Variants in DGKB observed in about 807,000 individuals in gnomAD.
DGKB encodes diacylglycerol kinase beta, also known as 90 kDa diacylglycerol kinase.
A neutral mutation model predicts 114.3 loss-of-function variants in DGKB; 67 were observed. That is an observed-to-expected ratio of 0.59 (90% CI 0.48 to 0.72). DGKB has a LOEUF of 0.72. Among genes scored for constraint, DGKB ranks in the 30% least tolerant of loss-of-function variants. The pLI, the probability that DGKB is intolerant of heterozygous loss-of-function variation, is 0.00. For synonymous variants in DGKB, 398 were observed against 323.1 expected, an observed-to-expected ratio of 1.23 and a Z score of -2.49; for missense variants, 907 against 975.2, an observed-to-expected ratio of 0.93 and a Z score of 0.93.
intron 23 of DGKB, among the ~76,000 whole-genome samples, chr7:14,256,161 C>T (rs570258062): frequency 6.6e-6 from 1 of 152,208 alleles, no homozygotes; most frequent in Non-Finnish European, 1.5e-5. Flanking sequence ...TTTACTGAAT[C>T]AGTTTTTACT....
At chr7:14,191,681 G>T in intron 23 of DGKB, 1 of 324,888 alleles carries the variant, frequency 3.1e-6, no homozygotes, top group South Asian at 3.2e-5. Context: ...TCTTCTGGGG[G>T]ACAAAGGGGG....
At chr7:14,227,443 C>A (rs778618145) in intron 23 of DGKB, among the ~76,000 whole-genome samples, 17 of 151,970 alleles carry the variant, frequency 1.1e-4, no homozygotes, top group Non-Finnish European at 2.5e-4. Flanking sequence ...CTAGCCAATG[C>A]AAATGAAAAG....
At chr7:14,708,642 G>A (rs886189244) in intron 6 of DGKB, among the ~76,000 whole-genome samples, 3 of 151,428 alleles carry the variant, frequency 2.0e-5, no homozygotes, top group Non-Finnish European at 4.4e-5. Context: ...ACAGAACAGA[G>A]CCCTCAGAAA....
At chr7:14,572,366 G>A (rs1798524345) in intron 20 of DGKB, among the ~76,000 whole-genome samples, 1 of 151,208 alleles carries the variant, frequency 6.6e-6, no homozygotes, top group Admixed American at 6.6e-5. Context: ...GCAGGAGAAT[G>A]TCGTGAACCC....
chr7:14,356,202 A>G (rs949264351), intron 21 of DGKB, among the ~76,000 whole-genome samples: 3 of 151,288 alleles, frequency 2.0e-5, no homozygotes, highest in Non-Finnish European at 4.4e-5. Context: ...CGGTCTATCA[A>G]TTTTGTTGAT....
chr7:14,227,864 T>C (rs1009957825), intron 23 of DGKB, among the ~76,000 whole-genome samples: 14 of 152,054 alleles, frequency 9.2e-5, no homozygotes, highest in African/African-American at 3.4e-4. Context: ...TATAAGATCA[T>C]ATCTATGTTC....
intron 23 of DGKB, among the ~76,000 whole-genome samples, chr7:14,262,505 CAG>C (rs1796928320): frequency 6.6e-6 from 1 of 152,158 alleles, no homozygotes. Flanking sequence ...GCCTTGTTCT[CAG>C]ACTTTCCAGC....
At chr7:14,559,915 T>G (rs1796404657) in intron 20 of DGKB, among the ~76,000 whole-genome samples, 1 of 151,824 alleles carries the variant, frequency 6.6e-6, no homozygotes. Flanking sequence ...CTTTTGTTTC[T>G]CCTTCCTTCC....
chr7:14,685,217 G>C (rs1430674576), intron 10 of DGKB, 28 bp downstream of exon 10: 5 of 1,447,616 alleles, frequency 3.5e-6, no homozygotes, highest in East Asian at 2.3e-5. Flanking sequence ...TTGAGGAGAT[G>C]ATGTCCAGGC....
In DGKB at chr7:14,309,539, G is replaced by A. The variant is rs115701061; in HGVS notation, c.2122+28976C>T. 1.1e-3 allele frequency among the ~76,000 whole-genome samples: 162 copies of A among 152,268 alleles called. 1 individual carries two copies. The highest frequency in any genetic ancestry group is 6.8e-3 in the Middle Eastern group (2 of 294). On this transcript the variant is annotated intron_variant, in intron 23 of 25. Transcript: ENST00000402815. ...TCAGAACCCTGATAGTTGTTATAAT[G>A]ATACATGAATATCTGGAGCAATGCA...
At chr7:14,659,827 G>T in intron 13 of DGKB, among the ~76,000 whole-genome samples, 1 of 151,588 alleles carries the variant, frequency 6.6e-6, no homozygotes, top group Admixed American at 6.6e-5. Context: ...CAAAGGGAAT[G>T]CTTCCAGTTT....
intron 1 of DGKB, among the ~76,000 whole-genome samples, chr7:14,934,753 G>T (rs987199274): frequency 6.6e-6 from 1 of 152,146 alleles, no homozygotes; most frequent in African/African-American, 2.4e-5. Context: ...GAGAAACAAA[G>T]TCAAATGCTT....
chr7:14,590,683 T>C (rs907828038), intron 17 of DGKB, among the ~76,000 whole-genome samples: 11 of 152,134 alleles, frequency 7.2e-5, no homozygotes, highest in Non-Finnish European at 1.6e-4. Flanking sequence ...ATTAATATCC[T>C]TGGGATTTAT....
intron 17 of DGKB, among the ~76,000 whole-genome samples, chr7:14,586,698 C>G (rs1378929398): frequency 6.6e-6 from 1 of 152,036 alleles, no homozygotes; most frequent in Admixed American, 6.6e-5. Context: ...GAAGCCAATG[C>G]TCATTTGCCA....
In DGKB at chr7:14,553,402, A is replaced by G. The variant is rs142740365; in HGVS notation, c.1770+20810T>C. ...TCTTCTAGTGCTCTGAAGAGTATCC[A>G]GCACATAGTGATTAGTCACATAAAT... On this transcript the variant is annotated intron_variant, in intron 20 of 25. Transcript: ENST00000402815. 3.9e-5 allele frequency among the ~76,000 whole-genome samples: 6 copies of G among 152,326 alleles called. No homozygotes were observed. The East Asian group carries it at 1.2e-3, about 29-fold the overall frequency.
At chr7:14,430,707 T>G (rs1279829720) in intron 21 of DGKB, among the ~76,000 whole-genome samples, 2 of 152,228 alleles carry the variant, frequency 1.3e-5, no homozygotes, top group Non-Finnish European at 2.9e-5. Context: ...TTGGGCCAAC[T>G]GTCCAAGTGA....
chr7:14,721,690 G>A (rs1829197015), intron 5 of DGKB, among the ~76,000 whole-genome samples: 1 of 152,020 alleles, frequency 6.6e-6, no homozygotes, highest in South Asian at 2.1e-4. Context: ...ATACATTGAA[G>A]AACTAATCAA....
intron 25 of DGKB, among the ~76,000 whole-genome samples, chr7:14,167,066 C>T (rs1317545049): frequency 1.3e-5 from 2 of 152,030 alleles, no homozygotes; most frequent in African/African-American, 4.8e-5. Flanking sequence ...AAAAAATTAC[C>T]TGAGCGTAGT....
At chr7:14,768,810 G>A (rs1836845258) in intron 2 of DGKB, among the ~76,000 whole-genome samples, 2 of 151,836 alleles carry the variant, frequency 1.3e-5, no homozygotes, top group African/African-American at 4.8e-5. Context: ...AAATCCCTGT[G>A]AAATAGTATT....
Sources: allele counts gnomAD v4.1 joint callset (sites outside exome capture counted in the v4.1 genomes callset), GRCh38; gene constraint gnomAD v4.1.1; transcripts MANE v1.5; gene names NCBI Gene and HGNC (gene_info 2026-07-23, HGNC 2026-07-21).